The following POLA1 variants were observed in gnomAD, a reference collection of about 807,000 sequenced individuals.
The protein encoded by POLA1 is DNA polymerase alpha 1, catalytic subunit.
Under a neutral mutation model 124.0 loss-of-function variants are expected in POLA1, and 15 were observed. That is an observed-to-expected ratio of 0.12 (90% CI 0.08 to 0.19). POLA1 has a LOEUF of 0.19. POLA1 is among the 10% of genes least tolerant of loss of function. The probability of loss-of-function intolerance (pLI) is 1.00; values close to 1 mark genes in which losing one functional copy is unlikely to be tolerated. For synonymous variants in POLA1, 408 were observed against 389.4 expected (o/e 1.05, Z -0.56); for missense variants, 886 against 1,103.4 (o/e 0.80, Z 2.79).
At chrX:24,874,769 C>A (rs1361240264) in intron 34 of POLA1, among the ~76,000 whole-genome samples, 3 of 111,630 alleles carry the variant, frequency 2.7e-5, no homozygotes, top group Non-Finnish European at 5.6e-5. Context: ...GATGCAAATT[C>A]TCAGGCCCCA....
chrX:24,881,241 C>T (rs1229879956), intron 34 of POLA1, among the ~76,000 whole-genome samples: 1 of 112,014 alleles, frequency 8.9e-6, no homozygotes, highest in Non-Finnish European at 1.9e-5. Context: ...TGTAATAACA[C>T]CAGATGGACA....
At chrX:24,832,281 AC>A (rs1427339127) in intron 32 of POLA1, among the ~76,000 whole-genome samples, 1 of 111,127 alleles carries the variant, frequency 9.0e-6, no homozygotes, top group Non-Finnish European at 1.9e-5. Context: ...TATCTCAGCC[AC>A]CCCCAAAGCA....
chrX:24,804,353 T>C (rs377326929), intron 26 of POLA1, among the ~76,000 whole-genome samples: 79 of 111,759 alleles, frequency 7.1e-4, no homozygotes, highest in Middle Eastern at 4.6e-3. Context: ...AATGGTTGGA[T>C]TATCAAATAT....
intron 30 of POLA1, among the ~76,000 whole-genome samples, chrX:24,819,488 T>C (rs2046050461): frequency 9.0e-6 from 1 of 111,219 alleles, no homozygotes; most frequent in Non-Finnish European, 1.9e-5. Flanking sequence ...TTATATTCTG[T>C]GAAAAAGGCA....
At chrX:24,759,601 C>T (rs964181892) in intron 26 of POLA1, among the ~76,000 whole-genome samples, 2 of 112,161 alleles carry the variant, frequency 1.8e-5, no homozygotes, top group African/African-American at 6.5e-5. Flanking sequence ...AAGGATAATT[C>T]GTACATTTGT....
intron 3 of POLA1, 21 bp from the exon 4 acceptor site, chrX:24,704,368 T>C: frequency 1.8e-6 from 2 of 1,113,408 alleles, no homozygotes; most frequent in African/African-American, 3.6e-5. Flanking sequence ...TTGATCCCAG[T>C]ATTAAATTTT....
chrX:24,744,189 AAAC>A (rs955442708), intron 23 of POLA1, among the ~76,000 whole-genome samples: 2 of 112,919 alleles, frequency 1.8e-5, no homozygotes, highest in Non-Finnish European at 3.7e-5. Context: ...TCTGAGTAGG[AAAC>A]ATTTTTGACA....
At chrX:24,955,175 T>C (rs1418580575) in intron 36 of POLA1, among the ~76,000 whole-genome samples, 25 of 105,130 alleles carry the variant, frequency 2.4e-4, no homozygotes, top group African/African-American at 8.3e-4. Flanking sequence ...TTTTCTTCTC[T>C]TTTTTTTTGA....
rs1017913037 is a variant in POLA1 at position 24,933,811 on chromosome X, C to T, written c.4261+3262C>T. Among the ~76,000 whole-genome samples the T allele has an allele frequency of 2.7e-5, 3 of 112,236 alleles. No homozygotes were observed. In the East Asian group the frequency reaches 8.3e-4, roughly 31 times the overall value. ...GCTTTTTCTCTGCTTTGCTTTCAAA[C>T]GAGAGTTTACAGACCATTAGTCCAT... On this transcript the variant is annotated intron_variant, in intron 36 of 36. Coordinates refer to ENST00000379068, the MANE Select transcript of POLA1 (RefSeq NM_001330360.2).
intron 4 of POLA1, among the ~76,000 whole-genome samples, chrX:24,706,011 C>T (rs976192690): frequency 8.9e-6 from 1 of 111,757 alleles, no homozygotes; most frequent in African/African-American, 3.3e-5. Flanking sequence ...AGCTACTTTC[C>T]TCCCTTTTGT....
At chrX:24,753,335 T>C (rs1240520963) in intron 26 of POLA1, among the ~76,000 whole-genome samples, 1 of 100,701 alleles carries the variant, frequency 9.9e-6, no homozygotes, top group Admixed American at 1.1e-4. Context: ...TTTTATTTTA[T>C]TTTATTTTAT....
At chrX:24,937,118 A>T (rs1255707548) in intron 36 of POLA1, among the ~76,000 whole-genome samples, 1 of 111,773 alleles carries the variant, frequency 8.9e-6, no homozygotes, top group Non-Finnish European at 1.9e-5. Context: ...GGAAGCTCTG[A>T]CTTGACAGTT....
At position 24,699,522 on chromosome X, in the gene POLA1, T is replaced by C; in HGVS notation, c.141T>C (p.Ala47=). 1 of 1,179,978 alleles carries C rather than the reference T, an allele frequency of 8.5e-7. No homozygotes were observed. Among genetic ancestry groups the C allele is most frequent in the East Asian group, 3.0e-5 (1 of 33,192 alleles). The part of the protein sequence containing the change: ...RQEALERLKK[A]KAGEKYKYEV... The stretch of plus-strand genomic sequence containing the variant: ...AAGCCCTAGAAAGACTGAAAAAGGC[T>C]AAAGCTGGTGAGAAGTATAAATATG... The change falls in exon 2 of 37, where the codon GCT becomes GCC. Residue 47 remains alanine (A), a synonymous_variant. Coordinates refer to ENST00000379068, the MANE Select transcript of POLA1 (RefSeq NM_001330360.2).
At chrX:24,790,199 G>C (rs774730462) in intron 26 of POLA1, among the ~76,000 whole-genome samples, 3 of 111,834 alleles carry the variant, frequency 2.7e-5, no homozygotes, top group African/African-American at 6.5e-5. Flanking sequence ...TGAAAACTGT[G>C]GTTGGATGTA....
intron 36 of POLA1, among the ~76,000 whole-genome samples, chrX:24,975,825 G>T (rs766964304): frequency 1.8e-5 from 2 of 112,288 alleles, no homozygotes; most frequent in African/African-American, 6.5e-5. Context: ...AGAATTTAGC[G>T]CACCCTTCAA....
chrX:24,797,870 A>G (rs1393802003), intron 26 of POLA1, among the ~76,000 whole-genome samples: 1 of 106,344 alleles, frequency 9.4e-6, no homozygotes, highest in African/African-American at 3.4e-5. Flanking sequence ...CAACATAGTG[A>G]GACCCTGTCT....
At chrX:24,979,742 A>G (rs2048401154) in intron 36 of POLA1, among the ~76,000 whole-genome samples, 1 of 112,363 alleles carries the variant, frequency 8.9e-6, no homozygotes, top group Non-Finnish European at 1.9e-5. Context: ...TGCATTAATC[A>G]AGGGACAGCT....
At chrX:24,696,085 A>C (rs1362771104) in intron 1 of POLA1, among the ~76,000 whole-genome samples, 1 of 112,706 alleles carries the variant, frequency 8.9e-6, no homozygotes, top group African/African-American at 3.2e-5. Flanking sequence ...CCGCTCCTAT[A>C]TTGCTAAGTG....
intron 26 of POLA1, among the ~76,000 whole-genome samples, chrX:24,773,888 C>T (rs1180727371): frequency 1.8e-5 from 2 of 111,585 alleles, no homozygotes; most frequent in African/African-American, 6.5e-5. Flanking sequence ...CTGTGTAGCT[C>T]CAGAAGGTAG....
Sources: gnomAD v4.1 joint callset for allele counts (sites outside exome capture counted in the v4.1 genomes callset) on GRCh38, gnomAD v4.1.1 for gene constraint, MANE v1.5 for transcripts, NCBI Gene and HGNC (gene_info 2026-07-23, HGNC 2026-07-21) for gene names.